The following PHC3 variants were observed in gnomAD, a reference collection of about 807,000 sequenced individuals.
The protein encoded by PHC3 is polyhomeotic homolog 3, also known as polyhomeotic-like protein 3.
In PHC3, 13 loss-of-function variants were observed where a neutral mutation model predicts 107.4. That is an observed-to-expected ratio of 0.12 (90% CI 0.08 to 0.19). The LOEUF (loss-of-function observed/expected upper bound fraction) is 0.19. Among genes scored for constraint, PHC3 ranks in the 10% least tolerant of loss-of-function variants. The pLI is 1.00. For synonymous variants in PHC3, 456 were observed against 427.4 expected, an observed-to-expected ratio of 1.07 and a Z score of -0.83; for missense variants, 992 against 1,210.9, an observed-to-expected ratio of 0.82 and a Z score of 2.68.
In PHC3 at chr3:170,129,210, G is replaced by A; in HGVS notation, c.1262C>T (p.Ser421Phe). The A allele has an allele frequency of 6.2e-7, 1 of 1,613,900 alleles. No individual in the cohort carries two copies. Among genetic ancestry groups the A allele is most frequent in the Non-Finnish European group, 8.5e-7 (1 of 1,179,836 alleles). The change falls in exon 8 of 15, where the codon TCT (serine) becomes TTT (phenylalanine). Residue 421 changes from serine (S) to phenylalanine (F), a missense_variant. Physicochemically the swap from Ser to Phe is radical, Grantham distance 155. Around this residue, in one of 6 missense-constraint regions of PHC3, gnomAD observed 543 missense variants for 590.8 expected, o/e 0.92. Coordinates refer to ENST00000495893, the MANE Select transcript of PHC3 (RefSeq NM_024947.4). ...TTGTGGATGAATAATTATAGTAGGA[G>A]ACTGACTTGGTGAATGAGGTGGTGG... ...SPPPPHSPSQ[S>F]PTIIIHPQAL...
At chr3:170,155,932 T>C (rs536373353) in intron 4 of PHC3, among the ~76,000 whole-genome samples, 7 of 152,320 alleles carry the variant, frequency 4.6e-5, no homozygotes, top group African/African-American at 1.7e-4. Flanking sequence ...TTTTAACTTT[T>C]CTATGTAGAT....
intron 4 of PHC3, among the ~76,000 whole-genome samples, chr3:170,167,293 C>A (rs574374993): frequency 3.9e-5 from 6 of 152,262 alleles, no homozygotes; most frequent in South Asian, 2.1e-4. Flanking sequence ...GAACTACAGG[C>A]GCTTGCCACC....
At chr3:170,151,303 TAATA>T (rs1474381063) in intron 4 of PHC3, among the ~76,000 whole-genome samples, 2 of 152,178 alleles carry the variant, frequency 1.3e-5, no homozygotes, top group East Asian at 1.9e-4. Context: ...AGAATACAAT[TAATA>T]AATATTTTAT....
At chr3:170,178,186 C>G (rs1730812738) in intron 2 of PHC3, among the ~76,000 whole-genome samples, 1 of 147,806 alleles carries the variant, frequency 6.8e-6, no homozygotes, top group Admixed American at 6.8e-5. Context: ...TTCTGTCGCT[C>G]AGGCGGGAGT....
At chr3:170,100,267 T>C (rs78271375) in intron 14 of PHC3, among the ~76,000 whole-genome samples, 3 of 151,854 alleles carry the variant, frequency 2.0e-5, no homozygotes, top group African/African-American at 4.8e-5. Context: ...AGCTTGGGAG[T>C]AGACTACTCA....
chr3:170,164,232 A>G (rs1728380134), intron 4 of PHC3, among the ~76,000 whole-genome samples: 1 of 152,172 alleles, frequency 6.6e-6, no homozygotes, highest in Non-Finnish European at 1.5e-5. Context: ...AAAATACAGG[A>G]GAGCTTTAAA....
intron 1 of PHC3, among the ~76,000 whole-genome samples, 170 bp from the exon 2 acceptor site, chr3:170,179,108 C>A (rs1212510853): frequency 6.6e-6 from 1 of 152,198 alleles, no homozygotes; most frequent in African/African-American, 2.4e-5. Context: ...AAATACTTCA[C>A]ATATATGGAG....
In PHC3 at chr3:170,091,813, C is replaced by T. The variant is rs1000434745; in HGVS notation, c.*5417G>A. The T allele has an allele frequency of 2.6e-5, 4 of 151,950 alleles. No homozygotes were observed. Among genetic ancestry groups the T allele is most frequent in the African/African-American group, 7.2e-5 (3 of 41,396 alleles). The allele number at this position is 151,950 out of a possible 1,614,324, so 9.4% of individuals were successfully genotyped here. A position where few individuals can be genotyped will look rare whatever the true frequency, so the allele number is the denominator to read the frequency against. Reference sequence around the variant, plus strand: ...GCTTTCTCATAGTACAATTTTAAAACGGATTAGGTTCTAAAAACTAATATG... The same window carrying T: ...GCTTTCTCATAGTACAATTTTAAAATGGATTAGGTTCTAAAAACTAATATG... On this transcript the variant is annotated 3_prime_UTR_variant, in exon 15 of 15. Coordinates refer to ENST00000495893, the MANE Select transcript of PHC3 (RefSeq NM_024947.4).
chr3:170,136,248 T>G (rs1723055767), intron 7 of PHC3, 171 bp downstream of exon 7: 1 of 698,690 alleles, frequency 1.4e-6, no homozygotes, highest in African/African-American at 1.8e-5. Flanking sequence ...TTTTATCTTT[T>G]GGGCTTTTTT....
At chr3:170,126,125 A>C (rs1277902933) in intron 8 of PHC3, 2 of 220,088 alleles carry the variant, frequency 9.1e-6, no homozygotes, top group Non-Finnish European at 1.5e-5. Flanking sequence ...TTTACTTTGA[A>C]AATTCACCCT....
At chr3:170,179,663 C>T (rs1731070416) in intron 1 of PHC3, among the ~76,000 whole-genome samples, 1 of 152,166 alleles carries the variant, frequency 6.6e-6, no homozygotes, top group Non-Finnish European at 1.5e-5. Context: ...TATGTCACTT[C>T]CTCATGTATG....
At position 170,171,363 on chromosome 3, in the gene PHC3, G is replaced by A. The variant is rs755566853; in HGVS notation, c.414+10C>T. 1 of 1,573,394 alleles carries A rather than the reference G, an allele frequency of 6.4e-7. No homozygotes were observed. The highest frequency in any genetic ancestry group is 1.4e-5 in the African/African-American group (1 of 73,350). On this transcript the variant is annotated intron_variant, in intron 4 of 14. Transcript: ENST00000495893. ...TTTAAATCCAGGAAAAAAAAATTTA[G>A]GGAACTTACAGACGTTTGGGACATA... is the stretch of plus-strand genomic sequence containing the variant.
chr3:170,129,079 G>A lies in PHC3; in HGVS notation c.1393C>T (p.Pro465Ser), dbSNP rs1456965659. Reference protein sequence around the residue: ...QVQATAQLNLPSHLPLPASPV... With the variant: ...QVQATAQLNLSSHLPLPASPV... ...GAAGCTGGAAGTGGAAGATGGGATG[G>A]AAGATTCAACTGTGCTGTAGCTTGC... The change falls in exon 8 of 15, where the codon CCA becomes TCA. Residue 465 changes from proline to serine, a missense_variant. Pro to Ser is a moderately conservative substitution (Grantham distance 74). This residue lies in a region of PHC3 where 543 missense variants were observed against 590.8 expected (regional missense o/e 0.92). Transcript: ENST00000495893. 1.2e-6 allele frequency: 2 copies of A among 1,611,778 alleles called. No individual in the cohort carries two copies. The highest frequency in any genetic ancestry group is 2.2e-5 in the South Asian group (2 of 90,790).
At chr3:170,111,848 G>A (rs1354200032) in intron 11 of PHC3, among the ~76,000 whole-genome samples, 3 of 152,044 alleles carry the variant, frequency 2.0e-5, no homozygotes, top group African/African-American at 7.2e-5. Context: ...ATGCTATTTC[G>A]CTTAATTTAG....
At chr3:170,163,568 G>A (rs958588969) in intron 4 of PHC3, among the ~76,000 whole-genome samples, 2 of 151,298 alleles carry the variant, frequency 1.3e-5, no homozygotes, top group Non-Finnish European at 2.9e-5. Context: ...TTTACGTATA[G>A]AAATGCATAG....
At chr3:170,143,812 G>A (rs923092867) in intron 6 of PHC3, among the ~76,000 whole-genome samples, 1 of 151,990 alleles carries the variant, frequency 6.6e-6, no homozygotes, top group Non-Finnish European at 1.5e-5. Flanking sequence ...CTTAATCATG[G>A]AAGTTCACTC....
At chr3:170,148,004 G>A (rs1725280620) in intron 5 of PHC3, 1 of 152,156 alleles carries the variant, frequency 6.6e-6, no homozygotes, top group African/African-American at 2.4e-5. Context: ...AGGTGTGGTG[G>A]TTCATGTCTG....
rs147844798 is a variant in PHC3, at chr3:170,124,493, G to A, written c.1789-1749C>T. ...ACCTCCAAGCTCAGCCTCCTGAGTAGCTGGGACCACAGGTGTTCACTAACA... is the reference window on the plus strand; with the variant it reads ...ACCTCCAAGCTCAGCCTCCTGAGTAACTGGGACCACAGGTGTTCACTAACA... On this transcript the variant is annotated intron_variant, in intron 8 of 14. Transcript: ENST00000495893. Among the ~76,000 whole-genome samples, 3 of 152,218 alleles carry A rather than the reference G, an allele frequency of 2.0e-5. No individual in the cohort carries two copies. The East Asian group carries it at 5.8e-4, about 29-fold the overall frequency.
intron 8 of PHC3, among the ~76,000 whole-genome samples, chr3:170,128,065 A>C (rs914292566): frequency 2.0e-5 from 3 of 152,202 alleles, no homozygotes; most frequent in African/African-American, 4.8e-5. Flanking sequence ...TAGAAATAAC[A>C]AACCATTAAG....
Sources: allele counts gnomAD v4.1 joint callset (sites outside exome capture counted in the v4.1 genomes callset), GRCh38; gene constraint gnomAD v4.1.1; regional missense constraint gnomAD v4.1.1; transcripts MANE v1.5; gene names NCBI Gene and HGNC (gene_info 2026-07-23, HGNC 2026-07-21).